The following CYSTM1 variants were observed in gnomAD, a reference collection of about 807,000 sequenced individuals.
CYSTM1 encodes cysteine-rich transmembrane module-containing protein 1.
A neutral mutation model predicts 13.1 loss-of-function variants in CYSTM1; 4 were observed. The ratio of observed to expected loss-of-function variants is 0.31; its 90% confidence interval spans 0.15 to 0.70. The LOEUF is 0.70. Among genes scored for constraint, CYSTM1 ranks in the 30% least tolerant of loss-of-function variants. The pLI, the probability that CYSTM1 is intolerant of heterozygous loss-of-function variation, is 0.72. For synonymous variants in CYSTM1, 36 were observed against 42.7 expected, an observed-to-expected ratio of 0.84 and a Z score of 0.62; for missense variants, 96 against 121.6, an observed-to-expected ratio of 0.79 and a Z score of 0.99.
At chr5:140,237,358 A>G (rs574324170) in intron 2 of CYSTM1, among the ~76,000 whole-genome samples, 3 of 152,360 alleles carry the variant, frequency 2.0e-5, no homozygotes, top group Admixed American at 2.0e-4. Flanking sequence ...CATGCAGCCA[A>G]GATGCTGTCT....
intron 2 of CYSTM1, among the ~76,000 whole-genome samples, chr5:140,220,867 G>C (rs1437814877): frequency 6.6e-6 from 1 of 152,026 alleles, no homozygotes; most frequent in Non-Finnish European, 1.5e-5. Context: ...TGGCTCCAGG[G>C]GCCTGCAGGA....
rs911653510 is a variant in CYSTM1 at position 140,230,822 on chromosome 5, C to T, written c.188-12483C>T. 6.6e-5 allele frequency among the ~76,000 whole-genome samples: 10 copies of T among 152,206 alleles called. No homozygotes were observed. Among genetic ancestry groups the T allele is most frequent in the African/African-American group, 2.2e-4 (9 of 41,454 alleles). On this transcript the variant is annotated intron_variant, in intron 2 of 2. Coordinates refer to ENST00000261811, the MANE Select transcript of CYSTM1 (RefSeq NM_032412.4). The surrounding 1 kb of genome is among the most constrained non-coding windows in gnomAD (Gnocchi z 4.1). ...CTGAGATGAGATTTGTCATATACCA[C>T]GTTCCCATATACGAATTAGAATATG...
At chr5:140,220,605 T>C (rs1226770708) in intron 2 of CYSTM1, among the ~76,000 whole-genome samples, 1 of 152,102 alleles carries the variant, frequency 6.6e-6, no homozygotes. Context: ...ATGATGTCTC[T>C]TGTTTCTGGA....
chr5:140,209,391 C>A (rs1289095613), intron 2 of CYSTM1, among the ~76,000 whole-genome samples: 1 of 143,466 alleles, frequency 7.0e-6, no homozygotes, highest in African/African-American at 2.6e-5. Flanking sequence ...CTGAGCCTTC[C>A]GAGTAGCTGG....
chr5:140,232,079 C>T (rs1182352499), intron 2 of CYSTM1, among the ~76,000 whole-genome samples: 2 of 152,088 alleles, frequency 1.3e-5, no homozygotes, highest in African/African-American at 4.8e-5. Context: ...TGGATATGGA[C>T]ATTGAGGAAG....
chr5:140,223,073 T>C (rs1764509528), intron 2 of CYSTM1, among the ~76,000 whole-genome samples: 1 of 152,216 alleles, frequency 6.6e-6, no homozygotes, highest in Admixed American at 6.5e-5. Context: ...TTGATATTTC[T>C]AAGGCTGTTT....
chr5:140,192,612 G>A (rs981840162), intron 1 of CYSTM1, among the ~76,000 whole-genome samples: 10 of 152,172 alleles, frequency 6.6e-5, no homozygotes, highest in African/African-American at 2.2e-4. Flanking sequence ...AATTTTGTAG[G>A]CCAATCTTTC....
At chr5:140,194,314 G>T (rs1053926226) in intron 1 of CYSTM1, 132 bp from the exon 2 acceptor site, 6 of 798,578 alleles carry the variant, frequency 7.5e-6, no homozygotes, top group Non-Finnish European at 9.4e-6. Context: ...AACAAAATGG[G>T]CAGAGCTAGA....
rs571471466 is a variant in CYSTM1, at chr5:140,181,407, C to T, written c.-21+6122C>T. ...CAGTTTCTGCACCCTTCTGGCTCTG[C>T]TAACTTTGTTGAACTAATTTTTGGT... On this transcript the variant is annotated intron_variant, in intron 1 of 2. Transcript: ENST00000261811. Among the ~76,000 whole-genome samples the T allele has an allele frequency of 3.9e-5, 6 of 152,308 alleles. No homozygotes were observed. The South Asian group carries it at 1.2e-3, about 32-fold the overall frequency.
intron 1 of CYSTM1, among the ~76,000 whole-genome samples, chr5:140,180,693 G>A (rs1244940603): frequency 1.3e-5 from 2 of 152,004 alleles, no homozygotes; most frequent in Admixed American, 1.3e-4. Flanking sequence ...TTGGAAACTG[G>A]GTAGGTCCTC....
intron 2 of CYSTM1, among the ~76,000 whole-genome samples, chr5:140,220,669 G>T (rs917342320): frequency 2.6e-5 from 4 of 152,206 alleles, no homozygotes; most frequent in African/African-American, 9.6e-5. Flanking sequence ...ATGTGAGGTG[G>T]GAAGGAGACT....
intron 2 of CYSTM1, among the ~76,000 whole-genome samples, chr5:140,225,068 G>T (rs767775459): frequency 1.3e-5 from 2 of 152,164 alleles, no homozygotes; most frequent in Non-Finnish European, 2.9e-5. Context: ...TGTTGTCCTA[G>T]CTACTTGGGA....
chr5:140,215,188 A>T (rs549237576), intron 2 of CYSTM1, among the ~76,000 whole-genome samples: 1 of 152,230 alleles, frequency 6.6e-6, no homozygotes. Flanking sequence ...TGTCTATACT[A>T]GTAGAATTTG....
chr5:140,231,365 A>AGCAGTTCT (rs1227099705), intron 2 of CYSTM1, among the ~76,000 whole-genome samples: 1 of 152,194 alleles, frequency 6.6e-6, no homozygotes, highest in Non-Finnish European at 1.5e-5. Flanking sequence ...CTGTGAGGGG[A>AGCAGTTCT]GCAGTTCTTC....
At chr5:140,194,362 G>A (rs370220042) in intron 1 of CYSTM1, 84 bp from the exon 2 acceptor site, 41 of 1,319,564 alleles carry the variant, frequency 3.1e-5, no homozygotes, top group African/African-American at 1.6e-4. Flanking sequence ...AAGGTATTTT[G>A]TAAATGATCT....
chr5:140,216,677 T>A (rs1691182514), intron 2 of CYSTM1, among the ~76,000 whole-genome samples: 1 of 152,240 alleles, frequency 6.6e-6, no homozygotes, highest in Non-Finnish European at 1.5e-5. Context: ...CTATCAGGGC[T>A]GCAATGCTTT....
chr5:140,190,254 T>A (rs74690779), intron 1 of CYSTM1, among the ~76,000 whole-genome samples: 1 of 152,098 alleles, frequency 6.6e-6, no homozygotes, highest in Non-Finnish European at 1.5e-5. Context: ...AAAACCCTTA[T>A]TTTTTTTCTT....
At chr5:140,226,403 C>T (rs1349062713) in intron 2 of CYSTM1, among the ~76,000 whole-genome samples, 8 of 144,980 alleles carry the variant, frequency 5.5e-5, no homozygotes, top group African/African-American at 1.5e-4. Flanking sequence ...CCAAGGTAGG[C>T]GGATCACTTG....
intron 2 of CYSTM1, 89 bp from the exon 3 acceptor site, chr5:140,243,216 T>C (rs755254576): frequency 7.9e-6 from 8 of 1,014,076 alleles, no homozygotes; most frequent in African/African-American, 1.6e-5. Context: ...TCCCCTGGTG[T>C]AGCCTTCCTG....
Sources: allele counts gnomAD v4.1 joint callset (sites outside exome capture counted in the v4.1 genomes callset), GRCh38; gene constraint gnomAD v4.1.1; non-coding constraint Gnocchi (gnomAD v3.1); transcripts MANE v1.5; gene names NCBI Gene and HGNC (gene_info 2026-07-23, HGNC 2026-07-21).